The following UGT1A8 variants were observed in gnomAD, a reference collection of about 807,000 sequenced individuals.
UGT1A8 encodes the protein UDP glucuronosyltransferase family 1 member A8, also known as UDP-glucuronosyltransferase 1A8.
In UGT1A8, 39 loss-of-function variants were observed where a neutral mutation model predicts 45.3. The ratio of observed to expected loss-of-function variants is 0.86; its 90% CI spans 0.67 to 1.12. UGT1A8 has a LOEUF of 1.12. Ranked by LOEUF, UGT1A8 falls within the 50% of genes most tolerant of loss-of-function variation. The probability of loss-of-function intolerance (pLI) is 0.00; values close to 1 mark genes in which losing one functional copy is unlikely to be tolerated. For missense variants in UGT1A8, 719 were observed against 664.9 expected, an observed-to-expected ratio of 1.08 and a Z score of -0.90; for synonymous variants, 275 against 249.2, an observed-to-expected ratio of 1.10 and a Z score of -0.97.
intron 1 of UGT1A8, 34 bp from the exon 2 acceptor site, chr2:233,767,000 A>G: frequency 6.2e-7 from 1 of 1,613,736 alleles, no homozygotes; most frequent in South Asian, 1.1e-5. Context: ...GAATATGAGA[A>G]AAAATTAACT....
chr2:233,703,749 A>G, intron 1 of UGT1A8, among the ~76,000 whole-genome samples: 1 of 151,980 alleles, frequency 6.6e-6, no homozygotes, highest in Non-Finnish European at 1.5e-5. Context: ...TTAAATCTCA[A>G]ATGTATCTTC....
chr2:233,770,939 G>A (rs923528747), intron 4 of UGT1A8: 1 of 152,144 alleles, frequency 6.6e-6, no homozygotes, highest in African/African-American at 2.4e-5. Context: ...TTGGCTGCCG[G>A]GGGAACCTCA....
At chr2:233,715,771 C>CA (rs1328948750) in intron 1 of UGT1A8, among the ~76,000 whole-genome samples, 2 of 151,962 alleles carry the variant, frequency 1.3e-5, no homozygotes, top group East Asian at 3.9e-4. Context: ...GGACCCATCT[C>CA]AAAAAAATAA....
At chr2:233,682,698 G>A (rs144940363) in intron 1 of UGT1A8, 2 of 1,613,794 alleles carry the variant, frequency 1.2e-6, no homozygotes, top group South Asian at 1.1e-5. Flanking sequence ...TGGTTGTTGC[G>A]AACTGACTTT....
chr2:233,690,006 C>T (rs368149285), intron 1 of UGT1A8: 1 of 443,134 alleles, frequency 2.3e-6, no homozygotes, highest in African/African-American at 2.0e-5. Flanking sequence ...CTTCATCTCA[C>T]CATTTTGGAC....
intron 1 of UGT1A8, among the ~76,000 whole-genome samples, chr2:233,733,430 A>G (rs1256868743): frequency 6.6e-6 from 1 of 152,170 alleles, no homozygotes; most frequent in Non-Finnish European, 1.5e-5. Context: ...ACTCAGTATG[A>G]TATTGGCTGC....
At chr2:233,638,653 T>C (rs950510218) in intron 1 of UGT1A8, among the ~76,000 whole-genome samples, 1 of 152,142 alleles carries the variant, frequency 6.6e-6, no homozygotes, top group African/African-American at 2.4e-5. Context: ...TGGTGTCTCA[T>C]CTCATTATAT....
intron 1 of UGT1A8, among the ~76,000 whole-genome samples, chr2:233,745,365 T>C (rs1693089556): frequency 6.6e-6 from 1 of 151,880 alleles, no homozygotes; most frequent in Admixed American, 6.5e-5. Flanking sequence ...TTTTTTGAGA[T>C]CTGAGTTCTC....
chr2:233,676,365 C>A (rs544333325), intron 1 of UGT1A8, among the ~76,000 whole-genome samples: 1 of 152,146 alleles, frequency 6.6e-6, no homozygotes, highest in Non-Finnish European at 1.5e-5. Flanking sequence ...AGGATTATAG[C>A]AAGGTTACAA....
chr2:233,730,252 T>A (rs1444242669), intron 1 of UGT1A8, among the ~76,000 whole-genome samples: 1 of 152,134 alleles, frequency 6.6e-6, no homozygotes, highest in Non-Finnish European at 1.5e-5. Context: ...GTGTGACTCA[T>A]AGAGACTGTT....
chr2:233,729,694 C>A (rs1447462481), intron 1 of UGT1A8: 7 of 1,613,908 alleles, frequency 4.3e-6, no homozygotes, highest in Non-Finnish European at 5.9e-6. Flanking sequence ...GTGTCCAAAC[C>A]CTTCCTCCTA....
intron 1 of UGT1A8, among the ~76,000 whole-genome samples, chr2:233,765,979 G>A (rs1451312439): frequency 1.3e-5 from 2 of 152,138 alleles, no homozygotes; most frequent in Non-Finnish European, 2.9e-5. Flanking sequence ...GATGTTTACA[G>A]CTCCTGAAGC....
chr2:233,637,762 A>G (rs2073340352), intron 1 of UGT1A8, among the ~76,000 whole-genome samples: 1 of 152,176 alleles, frequency 6.6e-6, no homozygotes, highest in South Asian at 2.1e-4. Flanking sequence ...GGCATATGCA[A>G]TATCTCATGT....
At chr2:233,674,636 G>T (rs1183537110) in intron 1 of UGT1A8, among the ~76,000 whole-genome samples, 1 of 121,776 alleles carries the variant, frequency 8.2e-6, no homozygotes, top group African/African-American at 2.6e-5. Flanking sequence ...CATTTATTTT[G>T]ATTATAAATA....
chr2:233,664,457 T>G (rs1240714310), intron 1 of UGT1A8, among the ~76,000 whole-genome samples: 1 of 152,192 alleles, frequency 6.6e-6, no homozygotes, highest in African/African-American at 2.4e-5. Context: ...ACTGGGTAAT[T>G]TATAAATAAA....
At chr2:233,679,076 C>T (rs1041431725) in intron 1 of UGT1A8, among the ~76,000 whole-genome samples, 5 of 152,300 alleles carry the variant, frequency 3.3e-5, no homozygotes, top group Non-Finnish European at 7.4e-5. Context: ...GTATTGACAA[C>T]CTTTTCCATA....
intron 1 of UGT1A8, chr2:233,681,945 G>C (rs752380757): frequency 6.2e-7 from 1 of 1,613,336 alleles, no homozygotes. Context: ...CTGATGGCTC[G>C]TGCAGGGTGG....
rs377261801 is a variant in UGT1A8, at chr2:233,719,531, G to C, written c.856-47503G>C. On this transcript the variant is annotated intron_variant, in intron 1 of 4. Transcript: ENST00000373450. ...CCCCTTATGCAAGTCTTGCCTCTGAGCTTTTTCAGAGAGAGGTGTCAGTGG... is the reference window on the plus strand; with the variant it reads ...CCCCTTATGCAAGTCTTGCCTCTGACCTTTTTCAGAGAGAGGTGTCAGTGG... 3.1e-5 allele frequency: 50 copies of C among 1,613,928 alleles called. No homozygotes were observed. In the African/African-American group the frequency reaches 6.5e-4, roughly 21 times the overall value.
intron 1 of UGT1A8, among the ~76,000 whole-genome samples, chr2:233,758,854 C>A (rs1032361524): frequency 6.6e-6 from 1 of 152,158 alleles, no homozygotes; most frequent in Admixed American, 6.5e-5. Context: ...CCAATTCTGG[C>A]TGCACAATAC....
Sources: allele counts gnomAD v4.1 joint callset (sites outside exome capture counted in the v4.1 genomes callset), GRCh38; gene constraint gnomAD v4.1.1; transcripts MANE v1.5; gene names NCBI Gene and HGNC (gene_info 2026-07-23, HGNC 2026-07-21).